PEX26: variants seen among roughly 807,000 people sequenced by gnomAD.
PEX26 encodes peroxisomal biogenesis factor 26, also known as peroxisome assembly protein 26.
Under a neutral mutation model 31.4 loss-of-function variants are expected in PEX26, and 18 were observed. The observed-to-expected ratio is 0.57, with a 90% CI of 0.40 to 0.85. The LOEUF is 0.85. Among genes scored for constraint, PEX26 ranks in the 40% least tolerant of loss-of-function variants. The pLI, the probability that PEX26 is intolerant of heterozygous loss-of-function variation, is 0.00. For synonymous variants in PEX26, 176 were observed against 166.9 expected (o/e 1.05, Z -0.42); for missense variants, 377 against 383.9 (o/e 0.98, Z 0.15).
chr22:18,093,279 T>A lies in PEX26; in HGVS notation c.*5204T>A, dbSNP rs576409402. Reference sequence around the variant, plus strand: ...TTCATTTAAATTAAAGAAAAAAACCTGGCCGGGCGCGGTGGCTCACGCCTG... The same window carrying A: ...TTCATTTAAATTAAAGAAAAAAACCAGGCCGGGCGCGGTGGCTCACGCCTG... On this transcript the variant is annotated 3_prime_UTR_variant, in exon 5 of 5. Coordinates refer to ENST00000399744, the MANE Select transcript of PEX26 (RefSeq NM_001127649.3). 1 of 152,262 alleles carries A rather than the reference T, an allele frequency of 6.6e-6. No homozygotes were observed. The highest frequency in any genetic ancestry group is 2.4e-5 in the African/African-American group (1 of 41,546). The allele number at this position is 152,262 out of a possible 1,614,324, so 9.4% of individuals were successfully genotyped here.
At position 18,097,305 on chromosome 22, in the gene PEX26, C is replaced by A. The variant is rs1927325679; in HGVS notation, c.*9230C>A. 1 of 151,842 alleles carries A rather than the reference C, an allele frequency of 6.6e-6. No homozygotes were observed. Among genetic ancestry groups the A allele is most frequent in the Admixed American group, 6.6e-5 (1 of 15,238 alleles). The allele number at this position is 151,842 out of a possible 1,614,324, so 9.4% of individuals were successfully genotyped here. A position where few individuals can be genotyped will look rare whatever the true frequency, so the allele number is the denominator to read the frequency against. Reference sequence around the variant, plus strand: ...TTGAGACAGAGCCTCACTCTGTCGCCCAGGCTGGAGTGCAGGGGTGTGATC... The same window carrying A: ...TTGAGACAGAGCCTCACTCTGTCGCACAGGCTGGAGTGCAGGGGTGTGATC... On this transcript the variant is annotated 3_prime_UTR_variant, in exon 5 of 5. Transcript: ENST00000399744.
intron 2 of PEX26, chr22:18,081,647 A>G: frequency 5.9e-6 from 1 of 170,262 alleles, no homozygotes; most frequent in Non-Finnish European, 1.3e-5. Context: ...GTAGAGGGGC[A>G]GCATGTGGCA....
Position 18,078,105 on chromosome 22 carries a change from G to A in PEX26, c.-272G>A, listed in dbSNP as rs1272979493. ...CTGAGGCAGTTCCTGCACGTGTCGC[G>A]GGGCCGGAGAAGCTAGGGCCAGGTA... On this transcript the variant is annotated 5_prime_UTR_variant, in exon 1 of 5. Coordinates refer to ENST00000399744, the MANE Select transcript of PEX26 (RefSeq NM_001127649.3). The A allele has an allele frequency of 8.1e-6, 5 of 620,934 alleles. No homozygotes were observed. The highest frequency in any genetic ancestry group is 6.6e-5 in the East Asian group (2 of 30,076). 38.5% of individuals were successfully genotyped at this position (620,934 alleles called of 1,614,324 possible).
At chr22:18,080,654 T>G (rs757437379) in intron 2 of PEX26, among the ~76,000 whole-genome samples, 2 of 152,200 alleles carry the variant, frequency 1.3e-5, no homozygotes, top group African/African-American at 2.4e-5. Context: ...TTTTTAAAAT[T>G]GACACTTGTA....
At chr22:18,079,510 A>C (rs1017159942) in intron 1 of PEX26, among the ~76,000 whole-genome samples, 1 of 152,184 alleles carries the variant, frequency 6.6e-6, no homozygotes, top group Admixed American at 6.5e-5. Flanking sequence ...CCTTGCTCCA[A>C]GCCCATTTGT....
intron 4 of PEX26, among the ~76,000 whole-genome samples, chr22:18,086,647 T>C (rs548096580): frequency 2.0e-5 from 3 of 152,334 alleles, no homozygotes; most frequent in South Asian, 2.1e-4. Context: ...ACTCGCTCTT[T>C]TAGATTTTTT....
rs188897908 is a variant in PEX26 at position 18,088,355 on chromosome 22, G to A, written c.*280G>A. ...TGAAAAGGAGGGGTTTGGGGACAGG[G>A]ACTGTGTCCATGAAACATTCCATCT... On this transcript the variant is annotated 3_prime_UTR_variant, in exon 5 of 5. Transcript: ENST00000399744. This position sits in a 1 kb window ranked among gnomAD's most constrained non-coding sequence, Gnocchi z 4.1. 285 of 556,934 alleles carry A rather than the reference G, an allele frequency of 5.1e-4. 3 individuals carry two copies. The East Asian group carries it at 8.5e-3, about 17-fold the overall frequency. The allele number at this position is 556,934 out of a possible 1,614,324, so 34.5% of individuals were successfully genotyped here.
chr22:18,081,923 C>T (rs576860179), intron 2 of PEX26, among the ~76,000 whole-genome samples: 9 of 152,066 alleles, frequency 5.9e-5, no homozygotes, highest in Non-Finnish European at 1.0e-4. Flanking sequence ...CTAACTGGAG[C>T]GAGGTAGTGT....
intron 1 of PEX26, chr22:18,078,831 C>T: frequency 4.3e-6 from 3 of 697,558 alleles, no homozygotes; most frequent in East Asian, 2.7e-5. Flanking sequence ...ATTATTTGCT[C>T]CTTGTTCCAA....
intron 2 of PEX26, among the ~76,000 whole-genome samples, chr22:18,082,849 T>C (rs557804183): frequency 6.6e-6 from 1 of 152,376 alleles, no homozygotes; most frequent in South Asian, 2.1e-4. Context: ...CCATTTTTTG[T>C]GTGTCCCCTT....
chr22:18,085,993 C>A (rs770338172), intron 4 of PEX26, among the ~76,000 whole-genome samples: 1 of 152,026 alleles, frequency 6.6e-6, no homozygotes, highest in Non-Finnish European at 1.5e-5. Flanking sequence ...AAAACTCATA[C>A]ATTTTAGAAA....
At chr22:18,079,445 A>G (rs1926456672) in intron 1 of PEX26, among the ~76,000 whole-genome samples, 1 of 152,154 alleles carries the variant, frequency 6.6e-6, no homozygotes, top group Non-Finnish European at 1.5e-5. Flanking sequence ...GAGGAACCTT[A>G]CTAGGTGGTG....
In PEX26 at chr22:18,100,404, T is replaced by C. The variant is rs1437802552; in HGVS notation, c.*12329T>C. The C allele has an allele frequency of 6.6e-6, 1 of 151,846 alleles. No individual in the cohort carries two copies. Among genetic ancestry groups the C allele is most frequent in the Admixed American group, 6.6e-5 (1 of 15,228 alleles). 9.4% of individuals were successfully genotyped at this position (151,846 alleles called of 1,614,324 possible). ...CTTTCTAACTAAAAAATAATAATAA[T>C]AATAATAAAAAATAAAAGATGATAC... On this transcript the variant is annotated 3_prime_UTR_variant, in exon 5 of 5. Transcript: ENST00000399744.
At position 18,092,392 on chromosome 22, in the gene PEX26, T is replaced by G. The variant is rs1056392890; in HGVS notation, c.*4317T>G. On this transcript the variant is annotated 3_prime_UTR_variant, in exon 5 of 5. Transcript: ENST00000399744. ...GCTACAGGACAGACAGTGGGCACGG[T>G]GCCTAGCAGCCTGTCGCGCCCCCGC... 2.0e-5 allele frequency: 3 copies of G among 152,294 alleles called. No individual in the cohort carries two copies. The highest frequency in any genetic ancestry group is 6.5e-5 in the Admixed American group (1 of 15,288). The allele number at this position is 152,294 out of a possible 1,614,324, so 9.4% of individuals were successfully genotyped here.
Position 18,100,463 on chromosome 22 carries a change from C to T in PEX26, c.*12388C>T, listed in dbSNP as rs1232995752. 1 of 152,126 alleles carries T rather than the reference C, an allele frequency of 6.6e-6. No homozygotes were observed. The highest frequency in any genetic ancestry group is 1.5e-5 in the Non-Finnish European group (1 of 68,024). 9.4% of individuals were successfully genotyped at this position (152,126 alleles called of 1,614,324 possible). ...TACCTCAAGTGTACCTCATTTACCT[C>T]AAATATACCTCATGGTCCGAAAGTA... On this transcript the variant is annotated 3_prime_UTR_variant, in exon 5 of 5. Transcript: ENST00000399744.
intron 4 of PEX26, among the ~76,000 whole-genome samples, chr22:18,086,947 C>G (rs11705653): frequency 0.12 from 17,927 of 151,640 alleles, 1,230 homozygotes; most frequent in South Asian, 0.21. Context: ...GGGTCTTTCT[C>G]TGTTGCCCAG....
chr22:18,082,095 G>T (rs1246603163), intron 2 of PEX26, among the ~76,000 whole-genome samples: 1 of 127,036 alleles, frequency 7.9e-6, no homozygotes, highest in Non-Finnish European at 1.6e-5. Flanking sequence ...TTAAGTTCCT[G>T]ATATATTCTG....
intron 3 of PEX26, among the ~76,000 whole-genome samples, 169 bp from the exon 4 acceptor site, chr22:18,084,943 G>C (rs1481591054): frequency 6.6e-6 from 1 of 150,976 alleles, no homozygotes; most frequent in Non-Finnish European, 1.5e-5. Context: ...GGATGGTCTC[G>C]ATCTCCTGAC....
In PEX26 at chr22:18,091,316, C is replaced by G. The variant is rs745888925; in HGVS notation, c.*3241C>G. 2.6e-5 allele frequency: 4 copies of G among 152,226 alleles called. No individual in the cohort carries two copies. Among genetic ancestry groups the G allele is most frequent in the Non-Finnish European group, 5.9e-5 (4 of 68,054 alleles). 9.4% of individuals were successfully genotyped at this position (152,226 alleles called of 1,614,324 possible). A position where few individuals can be genotyped will look rare whatever the true frequency, so the allele number is the denominator to read the frequency against. ...ATAGTAGTCACATACACTACACACA[C>G]TGTGCCACGTTTAAAAAGAAAAAAA... On this transcript the variant is annotated 3_prime_UTR_variant, in exon 5 of 5. Coordinates refer to ENST00000399744, the MANE Select transcript of PEX26 (RefSeq NM_001127649.3).
Sources: gnomAD v4.1 joint callset for allele counts (sites outside exome capture counted in the v4.1 genomes callset) on GRCh38, gnomAD v4.1.1 for gene constraint, Gnocchi (gnomAD v3.1) non-coding constraint, MANE v1.5 for transcripts, NCBI Gene and HGNC (gene_info 2026-07-23, HGNC 2026-07-21) for gene names.